Variants in PLAC8 observed in about 807,000 individuals in gnomAD.
PLAC8 encodes the protein placenta associated 8.
A neutral mutation model predicts 12.6 loss-of-function variants in PLAC8; 6 were observed. That is an observed-to-expected ratio of 0.48 (90% CI 0.26 to 0.94). The LOEUF (loss-of-function observed/expected upper bound fraction) is 0.94, where lower values mean the gene tolerates loss of function less well. Ranked by LOEUF, PLAC8 falls within the 40% of genes least tolerant of loss-of-function variation. PLAC8 has a pLI of 0.14. For missense variants in PLAC8, 122 were observed against 152.7 expected, an observed-to-expected ratio of 0.80 and a Z score of 1.06; for synonymous variants, 54 against 52.6, an observed-to-expected ratio of 1.03 and a Z score of -0.11.
At chr4:83,103,466 A>G (rs1449056877) in intron 3 of PLAC8, among the ~76,000 whole-genome samples, 1 of 152,214 alleles carries the variant, frequency 6.6e-6, no homozygotes, top group Non-Finnish European at 1.5e-5. Context: ...TGCTGTGACC[A>G]TGGTTGAAAT....
intron 3 of PLAC8, among the ~76,000 whole-genome samples, chr4:83,101,500 C>T (rs1183684886): frequency 1.3e-5 from 2 of 152,210 alleles, no homozygotes; most frequent in Non-Finnish European, 2.9e-5. Context: ...AAGCACAAGG[C>T]GAAGCAGCAA....
intron 2 of PLAC8, among the ~76,000 whole-genome samples, chr4:83,106,291 G>A (rs960271048): frequency 2.6e-5 from 4 of 151,582 alleles, no homozygotes; most frequent in Non-Finnish European, 5.9e-5. Context: ...GAGCCACCAC[G>A]CCCAGCCTGA....
chr4:83,094,466 A>G, intron 4 of PLAC8: 1 of 411,396 alleles, frequency 2.4e-6, no homozygotes, highest in Non-Finnish European at 4.3e-6. Flanking sequence ...AAAATTCACC[A>G]TTCCTTTATT....
At chr4:83,107,735 G>C in intron 2 of PLAC8, 69 bp downstream of exon 2, 1 of 794,188 alleles carries the variant, frequency 1.3e-6, no homozygotes, top group East Asian at 3.8e-5. Context: ...GGGAGGAATG[G>C]GGGAAGGATT....
Position 83,094,567 on chromosome 4 carries a change from C to A in PLAC8, c.*9+111G>T, listed in dbSNP as rs867513059. 29 of 647,770 alleles carry A rather than the reference C, an allele frequency of 4.5e-5. No homozygotes were observed. The Middle Eastern group carries it at 2.0e-3, about 44-fold the overall frequency. The allele number at this position is 647,770 out of a possible 1,614,324, so 40.1% of individuals were successfully genotyped here. A position where few individuals can be genotyped will look rare whatever the true frequency, so the allele number is the denominator to read the frequency against. On this transcript the variant is annotated intron_variant, in intron 4 of 4. Coordinates refer to ENST00000311507, the MANE Select transcript of PLAC8 (RefSeq NM_016619.3). The stretch of plus-strand genomic sequence containing the variant: ...GATATTATGATAGCACTTCAGGAGA[C>A]TTAAGAAATAGTTATTGCTGAATTA...
chr4:83,107,728 A>T, intron 2 of PLAC8, 76 bp downstream of exon 2: 1 of 621,736 alleles, frequency 1.6e-6, no homozygotes, highest in African/African-American at 2.1e-5. Context: ...ACAATAAGGG[A>T]GGAATGGGGG....
intron 4 of PLAC8, chr4:83,094,127 T>C (rs1731869894): frequency 6.6e-6 from 1 of 152,246 alleles, no homozygotes. Context: ...ATGACTTGAT[T>C]GAATTTCAGA....
rs375803343 is a variant in PLAC8, at chr4:83,097,606, A to G, written c.244-2815T>C. Among the ~76,000 whole-genome samples, 250 of 152,314 alleles carry G rather than the reference A, an allele frequency of 1.6e-3. 5 individuals are homozygous for G. In the South Asian group the frequency reaches 0.018, roughly 11 times the overall value. On this transcript the variant is annotated intron_variant, in intron 3 of 4. Transcript: ENST00000311507. The stretch of plus-strand genomic sequence containing the variant: ...CATGCCCGCTAGCTATGCTAAAAAG[A>G]GTCTGACCTTATCTTCATTTCTGTC...
In PLAC8 at chr4:83,094,722, C is replaced by T. The variant is rs183611787; in HGVS notation, c.313G>A (p.Asp105Asn). ...PHCTLCQIKR[D>N]INRRRAMRTF is the part of the protein sequence containing the mutation. ...CGCATGGCTCTCCTTCTGTTGATAT[C>T]TCTCTTGATTTGGCAAAGAGTACAA... Residue 105 changes from aspartate (D) to asparagine (N), a missense_variant, in exon 4 of 5, where the codon GAT (aspartate) becomes AAT (asparagine). By Grantham distance (23) the Asp-to-Asn change is conservative. Transcript: ENST00000311507. The T allele has an allele frequency of 3.1e-6, 5 of 1,606,150 alleles. No individual in the cohort carries two copies. In the Admixed American group the frequency reaches 6.8e-5, roughly 22 times the overall value.
At chr4:83,095,779 G>A (rs764265491) in intron 3 of PLAC8, among the ~76,000 whole-genome samples, 66 of 152,208 alleles carry the variant, frequency 4.3e-4, no homozygotes, top group Non-Finnish European at 7.5e-4. Flanking sequence ...AAACTTTTGG[G>A]GACTACTTTG....
At chr4:83,100,309 T>G (rs1423199840) in intron 3 of PLAC8, among the ~76,000 whole-genome samples, 1 of 150,036 alleles carries the variant, frequency 6.7e-6, no homozygotes, top group Non-Finnish European at 1.5e-5. Context: ...GTGTAGCACC[T>G]CTGTCTCCCT....
intron 3 of PLAC8, among the ~76,000 whole-genome samples, chr4:83,103,184 C>T (rs992457960): frequency 6.6e-6 from 1 of 151,842 alleles, no homozygotes; most frequent in African/African-American, 2.4e-5. Context: ...ATCACAAGGT[C>T]AAGAGATCAA....
At chr4:83,096,939 G>C (rs1731947565) in intron 3 of PLAC8, among the ~76,000 whole-genome samples, 1 of 152,166 alleles carries the variant, frequency 6.6e-6, no homozygotes, top group Non-Finnish European at 1.5e-5. Flanking sequence ...GATTGGCTTT[G>C]GGTTGCTTTG....
At chr4:83,101,824 G>GA (rs1159951439) in intron 3 of PLAC8, among the ~76,000 whole-genome samples, 8 of 150,676 alleles carry the variant, frequency 5.3e-5, no homozygotes, top group East Asian at 1.9e-4. Context: ...TACCCCATGA[G>GA]AAAAAAAAAT....
At chr4:83,107,227 A>AC (rs1732269355) in intron 2 of PLAC8, among the ~76,000 whole-genome samples, 2 of 151,902 alleles carry the variant, frequency 1.3e-5, no homozygotes, top group African/African-American at 2.4e-5. Flanking sequence ...AAAAAACAAA[A>AC]AAAAAAACAA....
intron 1 of PLAC8, among the ~76,000 whole-genome samples, chr4:83,113,338 G>A (rs748262922): frequency 6.6e-6 from 1 of 152,166 alleles, no homozygotes; most frequent in African/African-American, 2.4e-5. Context: ...TTCCAAACTA[G>A]CTCCTCTCCC....
At chr4:83,101,119 C>A (rs1560454138) in intron 3 of PLAC8, among the ~76,000 whole-genome samples, 1 of 152,136 alleles carries the variant, frequency 6.6e-6, no homozygotes, top group African/African-American at 2.4e-5. Flanking sequence ...GTGGCTCATG[C>A]CTATAATCCC....
rs34047201 is a variant in PLAC8, at chr4:83,103,084, T to TAA, written c.243+1810_243+1811dup. Among the ~76,000 whole-genome samples the TAA allele has an allele frequency of 4.8e-3, 602 of 125,656 alleles. 1 individual carries two copies. The highest frequency in any genetic ancestry group is 0.015 in the African/African-American group (471 of 31,338). The allele number at this position is 125,656 out of a possible 152,430, so 82.4% of individuals were successfully genotyped here. On this transcript the variant is annotated intron_variant, in intron 3 of 4. Coordinates refer to ENST00000311507, the MANE Select transcript of PLAC8 (RefSeq NM_016619.3). ...CTGGGTGACAGAGCAAGACTCCCTTTAAAAAAAAAAAAAAGAAAGCTATTT... is the reference window on the plus strand; with the variant it reads ...CTGGGTGACAGAGCAAGACTCCCTTTAAAAAAAAAAAAAAAAGAAAGCTATTT...
chr4:83,095,323 A>G (rs1731900304), intron 3 of PLAC8, among the ~76,000 whole-genome samples: 1 of 152,226 alleles, frequency 6.6e-6, no homozygotes, highest in African/African-American at 2.4e-5. Flanking sequence ...ATGATAAAAC[A>G]TCTATGTGTT....
Sources: allele counts gnomAD v4.1 joint callset (sites outside exome capture counted in the v4.1 genomes callset), GRCh38; gene constraint gnomAD v4.1.1; transcripts MANE v1.5; gene names NCBI Gene and HGNC (gene_info 2026-07-23, HGNC 2026-07-21).